NOS1AP: variants seen among roughly 807,000 people sequenced by gnomAD.
The protein encoded by NOS1AP is nitric oxide synthase 1 adaptor protein.
A neutral mutation model predicts 56.2 loss-of-function variants in NOS1AP; 21 were observed. The observed-to-expected ratio is 0.37, with a 90% CI of 0.26 to 0.54. The LOEUF (loss-of-function observed/expected upper bound fraction) is 0.54. Ranked by LOEUF, NOS1AP falls within the 20% of genes least tolerant of loss-of-function variation. NOS1AP has a pLI of 0.84. For missense variants in NOS1AP, 522 were observed against 657.8 expected, an observed-to-expected ratio of 0.79 and a Z score of 2.26; for synonymous variants, 270 against 274.6, an observed-to-expected ratio of 0.98 and a Z score of 0.17.
At chr1:162,263,259 C>T (rs1448054599) in intron 2 of NOS1AP, among the ~76,000 whole-genome samples, 3 of 59,074 alleles carry the variant, frequency 5.1e-5, no homozygotes, top group Non-Finnish European at 6.8e-5. Context: ...TATTTTCTCA[C>T]AGTTCTGGAA....
rs372126532 is a variant in NOS1AP, at chr1:162,365,386, G to A, written c.940-18G>A. The A allele has an allele frequency of 1.4e-4, 218 of 1,613,904 alleles. 1 individual carries two copies. The Middle Eastern group carries it at 2.5e-3, about 18-fold the overall frequency. On this transcript the variant is annotated intron_variant, in intron 8 of 9. Coordinates refer to ENST00000361897, the MANE Select transcript of NOS1AP (RefSeq NM_014697.3). ...TTCTCTCTGTCCTGTCTTCTCTGCC[G>A]CTGCCTCTTCTCTGCAGGTACACTT...
rs1159295218 is a variant in NOS1AP at position 162,155,456 on chromosome 1, T to TAG, written c.177+995_177+996dup. Among the ~76,000 whole-genome samples the TAG allele has an allele frequency of 1.4e-3, 197 of 141,262 alleles. 1 individual carries two copies. Among genetic ancestry groups the TAG allele is most frequent in the East Asian group, 4.2e-3 (20 of 4,772 alleles). The allele number at this position is 141,262 out of a possible 152,430, so 92.7% of individuals were successfully genotyped here. A position where few individuals can be genotyped will look rare whatever the true frequency, so the allele number is the denominator to read the frequency against. ...ACATATATACATATATATATATATA[T>TAG]AGAGAGAGAGAGAGAGGTATCGAAT... On this transcript the variant is annotated intron_variant, in intron 2 of 9. Coordinates refer to ENST00000361897, the MANE Select transcript of NOS1AP (RefSeq NM_014697.3).
In NOS1AP at chr1:162,070,293, T is replaced by C. The variant is rs1431284583; in HGVS notation, c.105+11T>C. 3.1e-6 allele frequency: 5 copies of C among 1,606,524 alleles called. No individual in the cohort carries two copies. The highest frequency in any genetic ancestry group is 4.3e-6 in the Non-Finnish European group (5 of 1,173,740). ...TGCTTTGAGGCCAAGGTGAGGGGGCTCCGGGGAGGGTGCTACCTGTGGTGG... is the reference window on the plus strand; with the variant it reads ...TGCTTTGAGGCCAAGGTGAGGGGGCCCCGGGGAGGGTGCTACCTGTGGTGG... On this transcript the variant is annotated intron_variant, in intron 1 of 9. Transcript: ENST00000361897.
chr1:162,203,711 G>A (rs1652066336), intron 2 of NOS1AP, among the ~76,000 whole-genome samples: 1 of 152,302 alleles, frequency 6.6e-6, no homozygotes, highest in Admixed American at 6.5e-5. Context: ...AAGTGATAAT[G>A]CATGTGATGT....
chr1:162,347,382 A>T (rs981166123), intron 6 of NOS1AP, among the ~76,000 whole-genome samples: 1 of 152,222 alleles, frequency 6.6e-6, no homozygotes, highest in Non-Finnish European at 1.5e-5. Flanking sequence ...GAAGACACCT[A>T]TTCCTGGAGT....
intron 2 of NOS1AP, among the ~76,000 whole-genome samples, chr1:162,222,030 A>G (rs1467842796): frequency 6.6e-6 from 1 of 152,206 alleles, no homozygotes; most frequent in African/African-American, 2.4e-5. Context: ...AATGTTGAAT[A>G]AAAAATGTTG....
Position 162,271,888 on chromosome 1 carries a change from TTTTG to T in NOS1AP, c.178-15440_178-15437del, listed in dbSNP as rs769601828. On this transcript the variant is annotated intron_variant, in intron 2 of 9. Coordinates refer to ENST00000361897, the MANE Select transcript of NOS1AP (RefSeq NM_014697.3). ...TGCTGTGTGCTTCCCTTAGTCCTGT[TTTTG>T]TTTGTTTGTTTGTTTTTTGGTCTCA... Among the ~76,000 whole-genome samples the T allele has an allele frequency of 5.8e-4, 88 of 152,202 alleles. 1 individual carries two copies. The highest frequency in any genetic ancestry group is 2.0e-3 in the African/African-American group (85 of 41,544).
intron 1 of NOS1AP, among the ~76,000 whole-genome samples, chr1:162,113,466 G>A (rs1458127769): frequency 6.6e-6 from 1 of 152,146 alleles, no homozygotes. Flanking sequence ...CCGAGACTGG[G>A]TAGTTTATAA....
At chr1:162,342,228 C>A (rs527461845) in intron 5 of NOS1AP, among the ~76,000 whole-genome samples, 3 of 152,230 alleles carry the variant, frequency 2.0e-5, no homozygotes, top group South Asian at 2.1e-4. Context: ...AGGTGAGAGA[C>A]CAATGGAGAA....
chr1:162,350,121 C>T (rs1021177484), intron 6 of NOS1AP, among the ~76,000 whole-genome samples: 4 of 152,224 alleles, frequency 2.6e-5, no homozygotes, highest in African/African-American at 4.8e-5. Context: ...GTTTTTTTTA[C>T]GAGAATCTCA....
chr1:162,156,349 A>G (rs1433903631), intron 2 of NOS1AP, among the ~76,000 whole-genome samples: 2 of 152,132 alleles, frequency 1.3e-5, no homozygotes, highest in Non-Finnish European at 2.9e-5. Context: ...AGGTCTGGGA[A>G]GGGGCAGGCA....
chr1:162,180,030 A>G (rs1651196523), intron 2 of NOS1AP, among the ~76,000 whole-genome samples: 1 of 152,086 alleles, frequency 6.6e-6, no homozygotes, highest in Non-Finnish European at 1.5e-5. Context: ...TGGATCTGAG[A>G]GGTGAGGACC....
rs759574505 is a variant in NOS1AP at position 162,356,996 on chromosome 1, C to T, written c.799C>T (p.Pro267Ser). 1.2e-6 allele frequency: 2 copies of T among 1,614,024 alleles called. No individual in the cohort carries two copies. The highest frequency in any genetic ancestry group is 1.1e-5 in the South Asian group (1 of 91,092). ...CCAGGAGCCCATGCTGACAGCCTCA[C>T]CCAGGATGCTGCTCCCTTCTTCTTC... ...HPQEPMLTAS[P>S]RMLLPSSSSK... Residue 267 changes from proline to serine, a missense_variant, in exon 8 of 10, where the codon CCC becomes TCC. Physicochemically the swap from Pro to Ser is moderately conservative, Grantham distance 74. Transcript: ENST00000361897.
intron 5 of NOS1AP, among the ~76,000 whole-genome samples, chr1:162,333,953 C>T (rs1656858375): frequency 6.6e-6 from 1 of 152,116 alleles, no homozygotes; most frequent in African/African-American, 2.4e-5. Flanking sequence ...TGTTTTTCTG[C>T]AGAAGAGATT....
intron 2 of NOS1AP, among the ~76,000 whole-genome samples, chr1:162,236,071 T>C (rs957408177): frequency 6.6e-6 from 1 of 152,164 alleles, no homozygotes; most frequent in Non-Finnish European, 1.5e-5. Context: ...AAATGACAAA[T>C]ATAGGTTAGT....
chr1:162,162,517 C>T (rs948234274), intron 2 of NOS1AP, among the ~76,000 whole-genome samples: 1 of 152,168 alleles, frequency 6.6e-6, no homozygotes, highest in Middle Eastern at 3.2e-3. Context: ...TCCTGGCTGT[C>T]AAATTTCTGA....
At chr1:162,170,760 GACTAAAAATACAAAA>G (rs1484426300) in intron 2 of NOS1AP, among the ~76,000 whole-genome samples, 2 of 151,900 alleles carry the variant, frequency 1.3e-5, no homozygotes, top group Non-Finnish European at 2.9e-5. Flanking sequence ...ACCCTGTCTC[GACTAAAAATACAAAA>G]ACTAAAAATA....
chr1:162,106,963 A>G (rs1173108665), intron 1 of NOS1AP, among the ~76,000 whole-genome samples: 1 of 151,412 alleles, frequency 6.6e-6, no homozygotes, highest in Non-Finnish European at 1.5e-5. Context: ...GCGTTTTACT[A>G]TTCATTGGCA....
intron 2 of NOS1AP, among the ~76,000 whole-genome samples, chr1:162,163,507 C>T (rs1650328754): frequency 1.3e-5 from 2 of 152,146 alleles, no homozygotes; most frequent in Non-Finnish European, 2.9e-5. Flanking sequence ...AAGTCCCTGT[C>T]TGCATGGAGT....
Sources: allele counts gnomAD v4.1 joint callset (sites outside exome capture counted in the v4.1 genomes callset), GRCh38; gene constraint gnomAD v4.1.1; transcripts MANE v1.5; gene names NCBI Gene and HGNC (gene_info 2026-07-23, HGNC 2026-07-21).